The following ATP9A variants were observed in gnomAD, a reference collection of about 807,000 sequenced individuals.
ATP9A encodes probable phospholipid-transporting ATPase IIA.
A neutral mutation model predicts 144.1 loss-of-function variants in ATP9A; 52 were observed. That is an observed-to-expected ratio of 0.36 (90% CI 0.29 to 0.45). The LOEUF (loss-of-function observed/expected upper bound fraction) is 0.45. ATP9A is among the 20% of genes least tolerant of loss of function. The probability of loss-of-function intolerance (pLI) is 1.00; values close to 1 mark genes in which losing one functional copy is unlikely to be tolerated. For synonymous variants in ATP9A, 582 were observed against 557.4 expected (o/e 1.04, Z -0.62); for missense variants, 947 against 1,392.7 (o/e 0.68, Z 5.09).
At chr20:51,727,483 G>A (rs1433310531) in intron 2 of ATP9A, among the ~76,000 whole-genome samples, 1 of 151,956 alleles carries the variant, frequency 6.6e-6, no homozygotes, top group Non-Finnish European at 1.5e-5. Context: ...CTACTCAGGA[G>A]GCTGAAGTGG....
chr20:51,599,227 A>G lies in ATP9A; in HGVS notation c.*1984T>C, dbSNP rs1296999998. 1.3e-5 allele frequency: 2 copies of G among 152,246 alleles called. No individual in the cohort carries two copies. The highest frequency in any genetic ancestry group is 2.9e-5 in the Non-Finnish European group (2 of 68,048). The allele number at this position is 152,246 out of a possible 1,614,324, so 9.4% of individuals were successfully genotyped here. ...GGGTTTGCAAAGTCTAAACAGGACT[A>G]TCTTAAGACTTCCCAGCGTTACAGA... is the stretch of plus-strand genomic sequence containing the variant. On this transcript the variant is annotated 3_prime_UTR_variant, in exon 28 of 28. Transcript: ENST00000338821.
At chr20:51,727,669 C>T (rs756497054) in intron 2 of ATP9A, among the ~76,000 whole-genome samples, 1 of 151,918 alleles carries the variant, frequency 6.6e-6, no homozygotes, top group Non-Finnish European at 1.5e-5. Context: ...CAGTGGCTCA[C>T]GCCTGTAATC....
At chr20:51,645,621 T>TC (rs2077339249) in intron 14 of ATP9A, among the ~76,000 whole-genome samples, 1 of 152,188 alleles carries the variant, frequency 6.6e-6, no homozygotes, top group African/African-American at 2.4e-5. Context: ...TCTTTCCTTC[T>TC]CCCCTTCCAC....
intron 14 of ATP9A, among the ~76,000 whole-genome samples, chr20:51,651,382 A>G (rs1300291838): frequency 7.0e-6 from 1 of 142,290 alleles, no homozygotes; most frequent in East Asian, 2.0e-4. Context: ...TTCTTTACAT[A>G]TTTATAATAT....
chr20:51,718,379 G>GGGGGTTGTTT (rs1555840813), intron 3 of ATP9A, among the ~76,000 whole-genome samples: 1 of 150,890 alleles, frequency 6.6e-6, no homozygotes, highest in Non-Finnish European at 1.5e-5. Context: ...TGTGTGGGGG[G>GGGGGTTGTTT]GGGTTGTTTG....
chr20:51,687,128 G>T (rs6021379), intron 9 of ATP9A, among the ~76,000 whole-genome samples: 38,427 of 151,980 alleles, frequency 0.25, 5,187 homozygotes, highest in Non-Finnish European at 0.28. Flanking sequence ...TGGTTCAGGT[G>T]ACATGGGTGG....
chr20:51,729,778 AATGC>A (rs774531540), intron 2 of ATP9A, 52 bp downstream of exon 2: 45 of 1,480,502 alleles, frequency 3.0e-5, no homozygotes, highest in Non-Finnish European at 4.0e-5. Flanking sequence ...CATCTGTACC[AATGC>A]ATGTATTTGT....
chr20:51,681,660 G>A (rs13038776), intron 9 of ATP9A, among the ~76,000 whole-genome samples: 41,421 of 151,962 alleles, frequency 0.27, 6,729 homozygotes, highest in African/African-American at 0.45. Flanking sequence ...GACCTCAAAT[G>A]ATCCACTCGC....
intron 9 of ATP9A, among the ~76,000 whole-genome samples, chr20:51,688,249 G>A (rs764625721): frequency 6.6e-5 from 10 of 152,180 alleles, no homozygotes; most frequent in Non-Finnish European, 1.3e-4. Context: ...ACTGCTATCG[G>A]GGGTCATATT....
chr20:51,671,602 A>G (rs972480898), intron 11 of ATP9A, among the ~76,000 whole-genome samples: 2 of 152,160 alleles, frequency 1.3e-5, no homozygotes, highest in African/African-American at 2.4e-5. Context: ...TAAAATATAC[A>G]TAACAGGAAA....
chr20:51,680,155 A>G (rs750438727), intron 9 of ATP9A, among the ~76,000 whole-genome samples: 6 of 149,868 alleles, frequency 4.0e-5, no homozygotes, highest in Non-Finnish European at 7.4e-5. Flanking sequence ...GCTTGAACCC[A>G]GGAGGTGGAG....
At chr20:51,720,437 G>A (rs1056347440) in intron 3 of ATP9A, among the ~76,000 whole-genome samples, 2 of 152,210 alleles carry the variant, frequency 1.3e-5, no homozygotes, top group Non-Finnish European at 2.9e-5. Flanking sequence ...CCTGGTCCCT[G>A]TTTGTACCTG....
intron 3 of ATP9A, among the ~76,000 whole-genome samples, chr20:51,721,435 C>T (rs550504307): frequency 2.0e-5 from 3 of 152,200 alleles, no homozygotes; most frequent in East Asian, 3.9e-4. Flanking sequence ...GTATGTGCCA[C>T]ATAATGAGAT....
chr20:51,733,277 AT>A, intron 1 of ATP9A, among the ~76,000 whole-genome samples: 1 of 152,328 alleles, frequency 6.6e-6, no homozygotes, highest in East Asian at 1.9e-4. Context: ...AGACTATGTA[AT>A]TTACAAACAA....
intron 9 of ATP9A, among the ~76,000 whole-genome samples, chr20:51,686,809 C>T (rs4811217): frequency 0.6 from 90,326 of 151,248 alleles, 27,210 homozygotes; most frequent in Non-Finnish European, 0.62. Context: ...GTTGCACATG[C>T]CTGTAATCCC....
At chr20:51,626,726 C>T (rs972023341) in intron 17 of ATP9A, among the ~76,000 whole-genome samples, 5 of 151,376 alleles carry the variant, frequency 3.3e-5, no homozygotes, top group African/African-American at 1.2e-4. Flanking sequence ...CGAAGGCATA[C>T]CATATGCCAA....
chr20:51,761,331 G>A (rs1268249715), intron 1 of ATP9A, among the ~76,000 whole-genome samples: 1 of 152,190 alleles, frequency 6.6e-6, no homozygotes, highest in Non-Finnish European at 1.5e-5. Context: ...TGCCTCTGAT[G>A]CCTCCACCCA....
chr20:51,690,109 CAAAAAAAAA>C (rs796336088), intron 8 of ATP9A, among the ~76,000 whole-genome samples: 16 of 59,908 alleles, frequency 2.7e-4, no homozygotes, highest in African/African-American at 7.9e-4. Context: ...GAGACCGTCT[CAAAAAAAAA>C]AAAAAAAAAA....
chr20:51,765,169 G>A lies in ATP9A; in HGVS notation c.68+3133C>T, dbSNP rs571232326. Among the ~76,000 whole-genome samples the A allele has an allele frequency of 1.2e-3, 182 of 152,042 alleles. 5 individuals carry two copies. In the South Asian group the frequency reaches 0.036, roughly 30 times the overall value. ...ACCACCCACCCACTTTAGCCCTCAC[G>A]CTGCCATCCCCCAGCCCCTAGTTCT... On this transcript the variant is annotated intron_variant, in intron 1 of 27. Coordinates refer to ENST00000338821, the MANE Select transcript of ATP9A (RefSeq NM_006045.3).
Sources: gnomAD v4.1 joint callset for allele counts (sites outside exome capture counted in the v4.1 genomes callset) on GRCh38, gnomAD v4.1.1 for gene constraint, MANE v1.5 for transcripts, NCBI Gene and HGNC (gene_info 2026-07-23, HGNC 2026-07-21) for gene names.